The following CRYBG3 variants were observed in gnomAD, a reference collection of about 807,000 sequenced individuals.
CRYBG3 encodes the protein very large A-kinase anchor protein.
In CRYBG3, 127 loss-of-function variants were observed where a neutral mutation model predicts 244.2. The observed-to-expected ratio is 0.52, with a 90% CI of 0.45 to 0.60. The LOEUF is 0.60. Ranked by LOEUF, CRYBG3 falls within the 20% of genes least tolerant of loss-of-function variation. CRYBG3 has a pLI of 0.00. For missense variants in CRYBG3, 3,325 were observed against 3,442.5 expected, an observed-to-expected ratio of 0.97 and a Z score of 0.85; for synonymous variants, 1,132 against 1,195.8, an observed-to-expected ratio of 0.95 and a Z score of 1.10.
chr3:97,934,115 A>C (rs1381001207), intron 18 of CRYBG3, among the ~76,000 whole-genome samples: 1 of 151,982 alleles, frequency 6.6e-6, no homozygotes, highest in Non-Finnish European at 1.5e-5. Flanking sequence ...GGCAAGACCA[A>C]GTTCGATGTT....
rs191855210 is a variant in CRYBG3, at chr3:97,837,816, A to G, written c.150-5379A>G. ...AGACTCTGGCATCCATAAAGAGGTA[A>G]GCAAGCCTCTAGAAGACGCTTATGG... On this transcript the variant is annotated intron_variant, in intron 1 of 21. Transcript: ENST00000389622. Among the ~76,000 whole-genome samples, 117 of 152,298 alleles carry G rather than the reference A, an allele frequency of 7.7e-4. 1 individual carries two copies. The highest frequency in any genetic ancestry group is 2.6e-3 in the African/African-American group (107 of 41,572).
chr3:97,875,768 T>C lies in CRYBG3; in HGVS notation c.4574T>C (p.Val1525Ala). Reference sequence around the variant, plus strand: ...CTTGCAATGTCAGATGTAGGGAAAGTACACAAGAAGGATAATGAAATAAAT... The same window carrying C: ...CTTGCAATGTCAGATGTAGGGAAAGCACACAAGAAGGATAATGAAATAAAT... ...TPLAMSDVGK[V>A]HKKDNEINIG... Residue 1525 changes from valine (V) to alanine (A), a missense_variant, in exon 4 of 22, where the codon GTA (valine) becomes GCA (alanine). Val to Ala is a moderately conservative substitution (Grantham distance 64, BLOSUM62 0). Coordinates refer to ENST00000389622, the MANE Select transcript of CRYBG3 (RefSeq NM_153605.4). The C allele has an allele frequency of 1.6e-6, 2 of 1,231,668 alleles. No individual in the cohort carries two copies. The highest frequency in any genetic ancestry group is 3.2e-5 in the East Asian group (1 of 31,638). The allele number at this position is 1,231,668 out of a possible 1,614,324, so 76.3% of individuals were successfully genotyped here.
At chr3:97,863,519 GGAAGGGGT>G (rs1267418309) in intron 2 of CRYBG3, among the ~76,000 whole-genome samples, 28 of 152,200 alleles carry the variant, frequency 1.8e-4, no homozygotes, top group African/African-American at 5.8e-4. Context: ...TGTTTTACCA[GGAAGGGGT>G]CACAAGTGGG....
intron 17 of CRYBG3, among the ~76,000 whole-genome samples, chr3:97,922,524 A>G (rs2039994503): frequency 6.6e-6 from 1 of 152,204 alleles, no homozygotes; most frequent in Non-Finnish European, 1.5e-5. Context: ...AAAAGTGGGC[A>G]AAGGATATGA....
intron 4 of CRYBG3, among the ~76,000 whole-genome samples, chr3:97,879,011 G>A (rs1055906301): frequency 3.3e-5 from 5 of 152,080 alleles, no homozygotes; most frequent in African/African-American, 9.7e-5. Context: ...CAATCTTCAT[G>A]GCAAATAGTA....
chr3:97,910,357 C>T (rs943247650), intron 15 of CRYBG3, among the ~76,000 whole-genome samples: 1 of 152,206 alleles, frequency 6.6e-6, no homozygotes, highest in East Asian at 1.9e-4. Context: ...CTGGCTGCCG[C>T]CTTGCAGTTT....
chr3:97,876,051 A>C lies in CRYBG3; in HGVS notation c.4857A>C (p.Glu1619Asp). 1 of 1,232,092 alleles carries C rather than the reference A, an allele frequency of 8.1e-7. No homozygotes were observed. The highest frequency in any genetic ancestry group is 4.2e-5 in the Admixed American group (1 of 23,706). 76.3% of individuals were successfully genotyped at this position (1,232,092 alleles called of 1,614,324 possible). ...GATCAGCTGTCATTTTAGGAATGGAAAAAGCTTATAAGATGAAGGATACTG... is the reference window on the plus strand; with the variant it reads ...GATCAGCTGTCATTTTAGGAATGGACAAAGCTTATAAGATGAAGGATACTG... The part of the protein sequence containing the change: ...TEGSAVILGM[E>D]KAYKMKDTEG... Residue 1619 changes from glutamate (E) to aspartate (D), a missense_variant, in exon 4 of 22, where the codon GAA (glutamate) becomes GAC (aspartate). By Grantham distance (45) the Glu-to-Asp change is conservative. Transcript: ENST00000389622.
rs2038836093 is a variant in CRYBG3 at position 97,842,542 on chromosome 3, A to G, written c.150-653A>G. On this transcript the variant is annotated intron_variant, in intron 1 of 21. Transcript: ENST00000389622. ...TGCACTCCAGCCTGGGCAACAGAACAAGACCATCTCTAAAAAAGAAAAAAA... is the reference window on the plus strand; with the variant it reads ...TGCACTCCAGCCTGGGCAACAGAACGAGACCATCTCTAAAAAAGAAAAAAA... Among the ~76,000 whole-genome samples, 3 of 152,058 alleles carry G rather than the reference A, an allele frequency of 2.0e-5. No individual in the cohort carries two copies. In the South Asian group the frequency reaches 6.2e-4, roughly 32 times the overall value.
intron 15 of CRYBG3, among the ~76,000 whole-genome samples, chr3:97,908,968 G>A (rs892397477): frequency 5.9e-5 from 9 of 151,938 alleles, no homozygotes; most frequent in Non-Finnish European, 1.2e-4. Context: ...CTCAGCATAT[G>A]CTTGTCTGTA....
chr3:97,825,087 G>T (rs970487462), intron 1 of CRYBG3, among the ~76,000 whole-genome samples: 3 of 152,160 alleles, frequency 2.0e-5, no homozygotes, highest in Admixed American at 1.3e-4. Context: ...CCTGCAAGGG[G>T]TTTATGATCT....
At chr3:97,857,507 A>G (rs934627119) in intron 2 of CRYBG3, among the ~76,000 whole-genome samples, 11 of 148,722 alleles carry the variant, frequency 7.4e-5, no homozygotes, top group African/African-American at 2.2e-4. Context: ...ATCTAATACT[A>G]TTTGCTTTAT....
In CRYBG3 at chr3:97,828,842, A is replaced by AT. The variant is rs1215238148; in HGVS notation, c.149+6487_149+6488insT. 8.7e-4 allele frequency among the ~76,000 whole-genome samples: 132 copies of AT among 151,658 alleles called. 1 individual carries two copies. Among genetic ancestry groups the AT allele is most frequent in the African/African-American group, 2.4e-3 (98 of 41,358 alleles). On this transcript the variant is annotated intron_variant, in intron 1 of 21. Transcript: ENST00000389622. ...AAACTCCATCTCAAAAAAAAAAAAA[A>AT]AAATAACAAAAACAAACAAACAAAC...
At chr3:97,884,580 C>G (rs897699868) in intron 7 of CRYBG3, among the ~76,000 whole-genome samples, 6 of 152,056 alleles carry the variant, frequency 3.9e-5, no homozygotes, top group Non-Finnish European at 8.8e-5. Flanking sequence ...CGAAAGTATA[C>G]AAGGAAGCCA....
rs1559733607 is a variant in CRYBG3 at position 97,887,443 on chromosome 3, A to G, written c.7289+676A>G. ...AGGACAACATTTTTGTCTCCCCCAC[A>G]TGTGAATTAGAACTTGTGGGCAGGC... On this transcript the variant is annotated intron_variant, in intron 8 of 21. Transcript: ENST00000389622. Among the ~76,000 whole-genome samples, 10 of 152,256 alleles carry G rather than the reference A, an allele frequency of 6.6e-5. No individual in the cohort carries two copies. The South Asian group carries it at 2.1e-3, about 32-fold the overall frequency.
intron 21 of CRYBG3, 126 bp downstream of exon 21, chr3:97,942,569 A>G (rs1485547807): frequency 1.1e-6 from 1 of 883,966 alleles, no homozygotes; most frequent in African/African-American, 1.7e-5. Flanking sequence ...ATTATGCTTG[A>G]AGAAAATTAA....
intron 3 of CRYBG3, among the ~76,000 whole-genome samples, chr3:97,865,790 A>G (rs2039222608): frequency 6.6e-6 from 1 of 152,216 alleles, no homozygotes; most frequent in Admixed American, 6.5e-5. Context: ...AAAACAATAA[A>G]AAAGTTAAAT....
chr3:97,912,270 G>T lies in CRYBG3; in HGVS notation c.8108G>T (p.Arg2703Leu). ...SLMPCSFKVL[R>L]GCWLLYYQED... is the part of the protein sequence containing the mutation. The stretch of plus-strand genomic sequence containing the variant: ...ATGCCATGTTCTTTTAAAGTTCTTC[G>T]AGGTTGGTAAGTATGCTTACTTAGT... The change falls in exon 16 of 22, where the codon CGA becomes CTA. Residue 2703 changes from arginine (R) to leucine (L), a missense_variant. Arg to Leu is a moderately radical substitution (Grantham distance 102). Transcript: ENST00000389622. 6.4e-7 allele frequency: 1 copy of T among 1,573,932 alleles called. No homozygotes were observed. The highest frequency in any genetic ancestry group is 1.4e-5 in the African/African-American group (1 of 73,738).
At position 97,822,056 on chromosome 3, in the gene CRYBG3, T is replaced by C. The variant is rs2038506397; in HGVS notation, c.-151T>C. On this transcript the variant is annotated 5_prime_UTR_variant, in exon 1 of 22. Coordinates refer to ENST00000389622, the MANE Select transcript of CRYBG3 (RefSeq NM_153605.4). ...GAGGAGCGCGTCGCGTCCGCACTTC[T>C]CCTGCCCGAGAGAGACTGAGCCGCG... 1 of 558,188 alleles carries C rather than the reference T, an allele frequency of 1.8e-6. No individual in the cohort carries two copies. The allele number at this position is 558,188 out of a possible 1,614,324, so 34.6% of individuals were successfully genotyped here.
At chr3:97,881,514 G>A (rs1368902183) in intron 7 of CRYBG3, among the ~76,000 whole-genome samples, 2 of 151,514 alleles carry the variant, frequency 1.3e-5, no homozygotes, top group Non-Finnish European at 2.9e-5. Flanking sequence ...TTGGGAGTTC[G>A]AGACCATCCT....
Sources: gnomAD v4.1 joint callset for allele counts (sites outside exome capture counted in the v4.1 genomes callset) on GRCh38, gnomAD v4.1.1 for gene constraint, MANE v1.5 for transcripts, NCBI Gene and HGNC (gene_info 2026-07-23, HGNC 2026-07-21) for gene names.